PIGR: variants seen among roughly 807,000 people sequenced by gnomAD.
PIGR encodes polymeric immunoglobulin receptor, also known as hepatocellular carcinoma associated protein TB6.
In PIGR, 22 loss-of-function variants were observed where a neutral mutation model predicts 69.5. That is an observed-to-expected ratio of 0.32 (90% CI 0.23 to 0.45). The LOEUF (loss-of-function observed/expected upper bound fraction) is 0.45, where lower values mean the gene tolerates loss of function less well. Ranked by LOEUF, PIGR falls within the 20% of genes least tolerant of loss-of-function variation. The pLI is 1.00. For synonymous variants in PIGR, 413 were observed against 407.6 expected, an observed-to-expected ratio of 1.01 and a Z score of -0.16; for missense variants, 885 against 974.0, an observed-to-expected ratio of 0.91 and a Z score of 1.22.
At chr1:206,940,734 A>G in intron 1 of PIGR, 150 bp from the exon 2 acceptor site, 2 of 576,730 alleles carry the variant, frequency 3.5e-6, no homozygotes, top group Non-Finnish European at 3.1e-6. Context: ...TTTTTCCATA[A>G]CAATTCAAAG....
At chr1:206,943,624 G>A (rs1680041615) in intron 1 of PIGR, among the ~76,000 whole-genome samples, 2 of 152,212 alleles carry the variant, frequency 1.3e-5, no homozygotes, top group Non-Finnish European at 1.5e-5. Context: ...TAAAGTGACT[G>A]CACTTCATCT....
chr1:206,933,186 G>A lies in PIGR; in HGVS notation c.1706-20C>T. The A allele has an allele frequency of 1.9e-6, 3 of 1,611,696 alleles. No individual in the cohort carries two copies. The highest frequency in any genetic ancestry group is 2.5e-6 in the Non-Finnish European group (3 of 1,178,666). On this transcript the variant is annotated intron_variant, in intron 6 of 10. Transcript: ENST00000356495. ...GGGACCCTGCAGCAGGGAAGAGTGG[G>A]CCTGGGTTGTGATTTTTCTCTATGC...
rs138285095 is a variant in PIGR, at chr1:206,931,778, C to T, written c.2033G>A (p.Arg678Lys). Residue 678 changes from arginine (R) to lysine (K), a missense_variant, in exon 9 of 11, where the codon AGG becomes AAG. Physicochemically the swap from Arg to Lys is conservative, Grantham distance 26. Coordinates refer to ENST00000356495, the MANE Select transcript of PIGR (RefSeq NM_002644.4). ...NVDRVSIRSY[R>K]TDISMSDFEN... is the part of the protein sequence containing the mutation. ...GAAGTCTGACATGCTAATGTCTGTC[C>T]TGTAGCTTCTGATTGAAACTCGGTC... The T allele has an allele frequency of 5.9e-5, 96 of 1,613,992 alleles. No homozygotes were observed. The highest frequency in any genetic ancestry group is 7.9e-5 in the Non-Finnish European group (93 of 1,180,020).
At chr1:206,939,535 A>T in intron 2 of PIGR, 72 bp from the exon 3 acceptor site, 1 of 1,077,074 alleles carries the variant, frequency 9.3e-7, no homozygotes, top group East Asian at 2.4e-5. Context: ...ACCCACTATG[A>T]GTAGATGTGG....
rs1679758439 is a variant in PIGR at position 206,931,767 on chromosome 1, T to C, written c.2044A>G (p.Ser682Gly). Residue 682 changes from serine to glycine, a missense_variant, in exon 9 of 11, where the codon AGC becomes GGC. Transcript: ENST00000356495. The part of the protein sequence containing the change: ...VSIRSYRTDI[S>G]MSDFENSREF... ...CTGGAGTTCTCGAAGTCTGACATGC[T>C]AATGTCTGTCCTGTAGCTTCTGATT... 6 of 1,613,954 alleles carry C rather than the reference T, an allele frequency of 3.7e-6. No homozygotes were observed. The highest frequency in any genetic ancestry group is 5.1e-6 in the Non-Finnish European group (6 of 1,179,952).
Position 206,937,696 on chromosome 1 carries a change from C to A in PIGR, c.444G>T (p.Val148=). 6.2e-7 allele frequency: 1 copy of A among 1,614,012 alleles called. No individual in the cohort carries two copies. The highest frequency in any genetic ancestry group is 1.1e-5 in the South Asian group (1 of 90,968). Residue 148 remains valine, a synonymous_variant, in exon 4 of 11, where the codon GTG becomes GTT. Transcript: ENST00000356495. ...CAGTCTTGAAAGGGCAGTTGATGGT[C>A]ACCGTTCTGCCCAGGTCCACTGTGT... The part of the protein sequence containing the change: ...KVYTVDLGRT[V]TINCPFKTEN...
chr1:206,944,600 T>C (rs1680065535), intron 1 of PIGR, among the ~76,000 whole-genome samples: 1 of 152,216 alleles, frequency 6.6e-6, no homozygotes, highest in African/African-American at 2.4e-5. Context: ...ATATGTTACA[T>C]AACCATGGGT....
In PIGR at chr1:206,934,561, C is replaced by T. The variant is rs748382437; in HGVS notation, c.1564G>A (p.Glu522Lys). Residue 522 changes from glutamate (E) to lysine (K), a missense_variant, in exon 6 of 11, where the codon GAG becomes AAG. Glu to Lys is a moderately conservative substitution (Grantham distance 56, BLOSUM62 1). Coordinates refer to ENST00000356495, the MANE Select transcript of PIGR (RefSeq NM_002644.4). ...GTCAGGGAGACAAGCCGGCTGTTCT[C>T]GTCACAGTTCACGAAGGCCTTGCTG... ...GPSKAFVNCD[E>K]NSRLVSLTLN... 24 of 1,614,152 alleles carry T rather than the reference C, an allele frequency of 1.5e-5. No individual in the cohort carries two copies. In the East Asian group the frequency reaches 2.9e-4, roughly 19 times the overall value.
chr1:206,932,437 G>T lies in PIGR; in HGVS notation c.2008+19C>A. The T allele has an allele frequency of 1.9e-6, 3 of 1,600,378 alleles. No homozygotes were observed. The highest frequency in any genetic ancestry group is 2.6e-6 in the Non-Finnish European group (3 of 1,174,052). On this transcript the variant is annotated intron_variant, in intron 8 of 10. Coordinates refer to ENST00000356495, the MANE Select transcript of PIGR (RefSeq NM_002644.4). ...GCTCGGGTTGGAGGTGGGAGGCAGG[G>T]AGTATCCCAGGGACTCACCGACGTT...
At position 206,937,160 on chromosome 1, in the gene PIGR, G is replaced by A; in HGVS notation, c.980C>T (p.Ala327Val). ...TTCCTGCAGCTGACCATCCGAATGG[G>A]CTCCACACAGGTAGCGCCCTGCATC... Reference protein sequence around the residue: ...KEDAGRYLCGAHSDGQLQEGS... With the variant: ...KEDAGRYLCGVHSDGQLQEGS... Residue 327 changes from alanine (A) to valine (V), a missense_variant, in exon 4 of 11, where the codon GCC becomes GTC. Coordinates refer to ENST00000356495, the MANE Select transcript of PIGR (RefSeq NM_002644.4). The A allele has an allele frequency of 6.2e-7, 1 of 1,613,828 alleles. No individual in the cohort carries two copies. The highest frequency in any genetic ancestry group is 8.5e-7 in the Non-Finnish European group (1 of 1,179,872).
At position 206,942,787 on chromosome 1, in the gene PIGR, C is replaced by T. The variant is rs142797534; in HGVS notation, c.-53-2203G>A. On this transcript the variant is annotated intron_variant, in intron 1 of 10. Transcript: ENST00000356495. Reference sequence around the variant, plus strand: ...TAGAGAGGGGACATGTGTGTGCACCCATTACCCTCTGCATGGTCTCAAGCC... The same window carrying T: ...TAGAGAGGGGACATGTGTGTGCACCTATTACCCTCTGCATGGTCTCAAGCC... Among the ~76,000 whole-genome samples the T allele has an allele frequency of 3.0e-4, 45 of 152,288 alleles. 1 individual carries two copies. Among genetic ancestry groups the T allele is most frequent in the Admixed American group, 2.9e-3 (44 of 15,300 alleles).
chr1:206,943,136 A>G (rs1484483235), intron 1 of PIGR, among the ~76,000 whole-genome samples: 1 of 152,212 alleles, frequency 6.6e-6, no homozygotes, highest in East Asian at 1.9e-4. Context: ...TTAAGGAAGG[A>G]AGAAAAAGAA....
At chr1:206,934,889 C>A in intron 5 of PIGR, 143 bp from the exon 6 acceptor site, 1 of 531,934 alleles carries the variant, frequency 1.9e-6, no homozygotes, top group Non-Finnish European at 3.2e-6. Context: ...GACAAGGTCT[C>A]TCTCTGTCAC....
At position 206,940,534 on chromosome 1, in the gene PIGR, C is replaced by A. The variant is rs1303730115; in HGVS notation, c.-3G>T. On this transcript the variant is annotated 5_prime_UTR_variant, in exon 2 of 11. Coordinates refer to ENST00000356495, the MANE Select transcript of PIGR (RefSeq NM_002644.4). ...CAGGTGAGCACGAAGAGCAGCATTG[C>A]TGGTGGGTCCCGAGCGCCGCACCAC... 1.9e-6 allele frequency: 3 copies of A among 1,551,350 alleles called. No individual in the cohort carries two copies. The highest frequency in any genetic ancestry group is 2.6e-6 in the Non-Finnish European group (3 of 1,146,852).
In PIGR at chr1:206,937,197, G is replaced by A. The variant is rs150730456; in HGVS notation, c.943C>T (p.Leu315=). ...DGSFSVVITG[L]RKEDAGRYLC... ...TAGCGCCCTGCATCCTCCTTCCTCA[G>A]GCCTGTGATCACCACACTGAATGAG... is the stretch of plus-strand genomic sequence containing the variant. Residue 315 remains leucine, a synonymous_variant, in exon 4 of 11, where the codon CTG becomes TTG. Coordinates refer to ENST00000356495, the MANE Select transcript of PIGR (RefSeq NM_002644.4). The A allele has an allele frequency of 2.1e-5, 34 of 1,614,076 alleles. No individual in the cohort carries two copies. The highest frequency in any genetic ancestry group is 2.8e-5 in the Non-Finnish European group (33 of 1,180,040).
In PIGR at chr1:206,939,363, G is replaced by A. The variant is rs1238890747; in HGVS notation, c.144C>T (p.Asn48=). ...GGCACCAGTACTTCCGGGTGTGCCG[G>A]TTGACAGAGGTGGGTGGGTAGTAGC... ...ITCYYPPTSV[N]RHTRKYWCRQ... The change falls in exon 3 of 11, where the codon AAC becomes AAT. Residue 48 remains asparagine (N), a synonymous_variant. Transcript: ENST00000356495. 1 of 1,614,246 alleles carries A rather than the reference G, an allele frequency of 6.2e-7. No individual in the cohort carries two copies. Among genetic ancestry groups the A allele is most frequent in the South Asian group, 1.1e-5 (1 of 91,078 alleles).
Position 206,932,986 on chromosome 1 carries a change from C to T in PIGR, c.1886G>A (p.Ser629Asn), listed in dbSNP as rs1302681845. The T allele has an allele frequency of 6.2e-7, 1 of 1,614,010 alleles. No individual in the cohort carries two copies. Among genetic ancestry groups the T allele is most frequent in the Non-Finnish European group, 8.5e-7 (1 of 1,179,978 alleles). The change falls in exon 7 of 11, where the codon AGC becomes AAC. Residue 629 changes from serine (S) to asparagine (N), a missense_variant and splice_region_variant. Physicochemically the swap from Ser to Asn is conservative, Grantham distance 46. Coordinates refer to ENST00000356495, the MANE Select transcript of PIGR (RefSeq NM_002644.4). ...DGSRASVDSG[S>N]SEEQGGSSRA... Reference sequence around the variant, plus strand: ...TGGGGAGCCTTGAATCCTTCCTTACCTGCCGGAATCCACAGATGCTCTGCT... The same window carrying T: ...TGGGGAGCCTTGAATCCTTCCTTACTTGCCGGAATCCACAGATGCTCTGCT...
intron 10 of PIGR, 89 bp downstream of exon 10, chr1:206,931,408 A>G (rs1679745964): frequency 1.2e-6 from 2 of 1,612,130 alleles, no homozygotes; most frequent in Non-Finnish European, 1.7e-6. Flanking sequence ...ATCGGCCCCC[A>G]TGTTGAGGTA....
intron 6 of PIGR, among the ~76,000 whole-genome samples, 182 bp downstream of exon 6, chr1:206,934,238 C>T (rs932971555): frequency 6.6e-6 from 1 of 152,166 alleles, no homozygotes; most frequent in African/African-American, 2.4e-5. Flanking sequence ...TGAGATGTCC[C>T]TTTTGAAGGG....
Sources: allele counts gnomAD v4.1 joint callset (sites outside exome capture counted in the v4.1 genomes callset), GRCh38; gene constraint gnomAD v4.1.1; transcripts MANE v1.5; gene names NCBI Gene and HGNC (gene_info 2026-07-23, HGNC 2026-07-21).